Variants in LARP1 observed in about 807,000 individuals in gnomAD.
LARP1 encodes the protein la-related protein 1.
Under a neutral mutation model 122.7 loss-of-function variants are expected in LARP1, and 36 were observed. That is an observed-to-expected ratio of 0.29 (90% CI 0.22 to 0.39). The LOEUF (loss-of-function observed/expected upper bound fraction) is 0.39. Ranked by LOEUF, LARP1 falls within the 10% of genes least tolerant of loss-of-function variation. LARP1 has a pLI of 1.00. For synonymous variants in LARP1, 539 were observed against 528.7 expected (o/e 1.02, Z -0.27); for missense variants, 1,040 against 1,403.6 (o/e 0.74, Z 4.14).
In LARP1 at chr5:154,814,078, A is replaced by C; in HGVS notation, c.3273A>C (p.Thr1091=). The C allele has an allele frequency of 6.2e-7, 1 of 1,614,000 alleles. No individual in the cohort carries two copies. Among genetic ancestry groups the C allele is most frequent in the Non-Finnish European group, 8.5e-7 (1 of 1,179,972 alleles). ...AATGGACAAGCCAGCACTCGAACAC[A>C]CAGACTTTGGGAAAGTGAAAAGCTC... ...DAKWTSQHSN[T]QTLGK is the part of the protein sequence containing the mutation. Residue 1091 remains threonine, a synonymous_variant, in exon 19 of 19, where the codon ACA becomes ACC. Transcript: ENST00000518297.
At chr5:154,808,739 T>C (rs1759002669) in intron 16 of LARP1, 136 bp downstream of exon 16, 6 of 883,520 alleles carry the variant, frequency 6.8e-6, no homozygotes, top group African/African-American at 1.7e-5. Flanking sequence ...AAAAATTTGT[T>C]TTTAAATGAG....
At chr5:154,796,004 ATTATATATTTATATATTAT>A (rs1757762080) in intron 8 of LARP1, among the ~76,000 whole-genome samples, 1 of 99,862 alleles carries the variant, frequency 1.0e-5, no homozygotes, top group African/African-American at 4.0e-5. Flanking sequence ...TTTTATATAT[ATTATATATTTATATATTAT>A]ATATATTTTT....
rs145919447 is a variant in LARP1 at position 154,698,092 on chromosome 5, A to G, written c.-180+15055A>G. ...GCTAACAATCATCTGAGCCTTTAGC[A>G]AGTCGTACACTTTGTATTTTTGCTT... On this transcript the variant is annotated intron_variant, in intron 1 of 18. Coordinates refer to the LARP1 transcript ENST00000687700. Among the ~76,000 whole-genome samples, 62 of 152,268 alleles carry G rather than the reference A, an allele frequency of 4.1e-4. 1 individual carries two copies. The South Asian group carries it at 9.3e-3, about 23-fold the overall frequency.
chr5:154,738,533 A>C (rs1757038094), intron 1 of LARP1, among the ~76,000 whole-genome samples: 1 of 152,170 alleles, frequency 6.6e-6, no homozygotes. Context: ...CGGATGTTGC[A>C]GTGAGCCGAG....
chr5:154,813,024 T>G (rs1365868676), intron 18 of LARP1, among the ~76,000 whole-genome samples: 2 of 152,200 alleles, frequency 1.3e-5, no homozygotes, highest in African/African-American at 4.8e-5. Context: ...CTGCCATTTA[T>G]TAAGTGTTTA....
At chr5:154,774,373 C>G (rs148010030) in intron 1 of LARP1, among the ~76,000 whole-genome samples, 1 of 152,326 alleles carries the variant, frequency 6.6e-6, no homozygotes, top group African/African-American at 2.4e-5. Flanking sequence ...CAGCCCTGTG[C>G]CAAGTCTCCA....
At position 154,790,654 on chromosome 5, in the gene LARP1, T is replaced by C; in HGVS notation, c.508T>C (p.Phe170Leu). 1 of 1,614,138 alleles carries C rather than the reference T, an allele frequency of 6.2e-7. No individual in the cohort carries two copies. Among genetic ancestry groups the C allele is most frequent in the African/African-American group, 1.3e-5 (1 of 75,032 alleles). Reference sequence around the variant, plus strand: ...TGTATGTTCCCTGCAGGTTGGTGACTTTGGAGATGCAATCAATTGGCCCAC... The same window carrying C: ...TGTATGTTCCCTGCAGGTTGGTGACCTTGGAGATGCAATCAATTGGCCCAC... ...KQRKGSKVGD[F>L]GDAINWPTPG... Residue 170 changes from phenylalanine (F) to leucine (L), a missense_variant, in exon 3 of 19, where the codon TTT (phenylalanine) becomes CTT (leucine). Around this residue, in one of 8 missense-constraint regions of LARP1, gnomAD observed 257 missense variants for 273.3 expected, o/e 0.94. Coordinates refer to ENST00000518297, the MANE Select transcript of LARP1 (RefSeq NM_033551.3).
Position 154,813,849 on chromosome 5 carries a change from G to T in LARP1, c.3082-38G>T, listed in dbSNP as rs187014446. On this transcript the variant is annotated intron_variant, in intron 18 of 18. Transcript: ENST00000518297. Reference sequence around the variant, plus strand: ...CCTGGCAAGGAAGAGGGCGTAGATAGTGCTTCTGATCACCTGTGACTCCTT... The same window carrying T: ...CCTGGCAAGGAAGAGGGCGTAGATATTGCTTCTGATCACCTGTGACTCCTT... The T allele has an allele frequency of 4.8e-4, 757 of 1,576,918 alleles. 4 individuals carry two copies. The highest frequency in any genetic ancestry group is 3.7e-3 in the Admixed American group (222 of 59,776).
chr5:154,802,166 T>C lies in LARP1; in HGVS notation c.1876T>C (p.Trp626Arg). Residue 626 changes from tryptophan (W) to arginine (R), a missense_variant, in exon 11 of 19, where the codon TGG becomes CGG. By Grantham distance (101) the Trp-to-Arg change is moderately radical. Transcript: ENST00000518297. This position sits in a 1 kb window ranked among gnomAD's most constrained non-coding sequence, Gnocchi z 5.1. ...MDGRKNTFTA[W>R]SDEESDYEID... ...TGGGCGGAAGAACACCTTCACTGCC[T>C]GGTCTGATGAGGAATCTGACTATGA... The C allele has an allele frequency of 6.2e-7, 1 of 1,614,182 alleles. No individual in the cohort carries two copies. Among genetic ancestry groups the C allele is most frequent in the Non-Finnish European group, 8.5e-7 (1 of 1,180,032 alleles).
intron 8 of LARP1, among the ~76,000 whole-genome samples, chr5:154,797,995 C>T (rs538893440): frequency 6.6e-6 from 1 of 152,186 alleles, no homozygotes; most frequent in Non-Finnish European, 1.5e-5. Flanking sequence ...TACATTCTTA[C>T]AATACCTCCA....
Position 154,800,020 on chromosome 5 carries a change from G to A in LARP1, c.1694G>A (p.Arg565Gln), listed in dbSNP as rs1055689139. The change falls in exon 10 of 19, where the codon CGG (arginine) becomes CAG (glutamine). Residue 565 changes from arginine to glutamine, a missense_variant. Physicochemically the swap from Arg to Gln is conservative, Grantham distance 43. Coordinates refer to ENST00000518297, the MANE Select transcript of LARP1 (RefSeq NM_033551.3). ...TGGATTGAAGTGAAGAAGAGGCCTC[G>A]GCCATCCCCAGCACGGCCCAAGGTG... ...ENWIEVKKRP[R>Q]PSPARPKKSE... 3 of 1,613,804 alleles carry A rather than the reference G, an allele frequency of 1.9e-6. No individual in the cohort carries two copies. Among genetic ancestry groups the A allele is most frequent in the Non-Finnish European group, 2.5e-6 (3 of 1,180,002 alleles).
chr5:154,800,606 A>G (rs1386759172), intron 10 of LARP1, among the ~76,000 whole-genome samples: 1 of 152,194 alleles, frequency 6.6e-6, no homozygotes, highest in Admixed American at 6.5e-5. Flanking sequence ...ATATTCTAGA[A>G]ATAGTTTATA....
intron 1 of LARP1, among the ~76,000 whole-genome samples, chr5:154,744,683 G>A (rs1314903779): frequency 2.1e-5 from 2 of 94,212 alleles, no homozygotes; most frequent in African/African-American, 1.1e-4. Context: ...TGTCGCCCAG[G>A]CTGGAGTGCA....
chr5:154,800,183 G>C, intron 10 of LARP1, 141 bp downstream of exon 10: 4 of 741,040 alleles, frequency 5.4e-6, no homozygotes, highest in Non-Finnish European at 8.5e-6. Flanking sequence ...GTGAGTTGAA[G>C]TTACCAGTAG....
intron 18 of LARP1, among the ~76,000 whole-genome samples, chr5:154,813,321 G>A (rs919547641): frequency 4.6e-5 from 7 of 152,206 alleles, no homozygotes; most frequent in Non-Finnish European, 7.3e-5. Context: ...GGAAGGAAAC[G>A]TCTGTCTTCG....
chr5:154,803,521 CCT>C lies in LARP1; in HGVS notation c.2234-12_2234-11del, dbSNP rs770479179. 14 of 1,613,990 alleles carry C rather than the reference CCT, an allele frequency of 8.7e-6. No homozygotes were observed. Among genetic ancestry groups the C allele is most frequent in the Admixed American group, 1.7e-5 (1 of 59,998 alleles). ...ACAGGCCTTTCCCTGCTTCCTGACTCCTCTCTCTGCCTCTGCAGTTCCTACGG... is the reference window on the plus strand; with the variant it reads ...ACAGGCCTTTCCCTGCTTCCTGACTCCTCTCTGCCTCTGCAGTTCCTACGG... On this transcript the variant is annotated splice_polypyrimidine_tract_variant and intron_variant, in intron 12 of 18. Coordinates refer to ENST00000518297, the MANE Select transcript of LARP1 (RefSeq NM_033551.3). The surrounding 1 kb of genome is among the most constrained non-coding windows in gnomAD (Gnocchi z 4.4).
At position 154,793,870 on chromosome 5, in the gene LARP1, G is replaced by A; in HGVS notation, c.939G>A (p.Glu313=). ...TPAWQPEIKP[E]PAWHDQDETS... ...CCTGGCAACCAGAGATCAAACCGGA[G>A]CCTGCCTGGCACGACCAGGATGAGA... The change falls in exon 6 of 19, where the codon GAG becomes GAA. Residue 313 remains glutamate (E), a synonymous_variant. Coordinates refer to ENST00000518297, the MANE Select transcript of LARP1 (RefSeq NM_033551.3). The A allele has an allele frequency of 6.2e-7, 1 of 1,614,194 alleles. No homozygotes were observed. The highest frequency in any genetic ancestry group is 8.5e-7 in the Non-Finnish European group (1 of 1,180,026).
chr5:154,806,084 C>G (rs766430968), intron 15 of LARP1, 52 bp downstream of exon 15: 3 of 1,592,092 alleles, frequency 1.9e-6, no homozygotes, highest in Non-Finnish European at 1.7e-6. Flanking sequence ...TATTTAGACC[C>G]AGAGTATAAG....
intron 1 of LARP1, among the ~76,000 whole-genome samples, chr5:154,728,163 T>C (rs1363499742): frequency 6.6e-6 from 1 of 152,142 alleles, no homozygotes; most frequent in Admixed American, 6.5e-5. Flanking sequence ...GGTGTTAAAA[T>C]TTTGGATTCC....
Sources: allele counts gnomAD v4.1 joint callset (sites outside exome capture counted in the v4.1 genomes callset), GRCh38; gene constraint gnomAD v4.1.1; regional missense constraint gnomAD v4.1.1; non-coding constraint Gnocchi (gnomAD v3.1); transcripts MANE v1.5; gene names NCBI Gene and HGNC (gene_info 2026-07-23, HGNC 2026-07-21).